SMCO2: variants seen among roughly 807,000 people sequenced by gnomAD.
SMCO2 encodes the protein single-pass membrane protein with coiled-coil domains 2.
Under a neutral mutation model 29.5 loss-of-function variants are expected in SMCO2, and 25 were observed. The observed-to-expected ratio is 0.85, with a 90% CI of 0.62 to 1.18. The LOEUF (loss-of-function observed/expected upper bound fraction) is 1.18, where lower values mean the gene tolerates loss of function less well. Ranked by LOEUF, SMCO2 falls within the 50% of genes most tolerant of loss-of-function variation. The pLI, the probability that SMCO2 is intolerant of heterozygous loss-of-function variation, is 0.00. For synonymous variants in SMCO2, 117 were observed against 123.3 expected, an observed-to-expected ratio of 0.95 and a Z score of 0.34; for missense variants, 348 against 344.5, an observed-to-expected ratio of 1.01 and a Z score of -0.08.
the SMCO2 span, among the ~76,000 whole-genome samples, chr12:27,448,726 A>G: frequency 1.3e-5 from 2 of 152,346 alleles, no homozygotes; most frequent in East Asian, 1.9e-4. Context: ...AATCAGCTTA[A>G]TATGTACTAG....
chr12:27,458,740 A>T, the SMCO2 span, among the ~76,000 whole-genome samples: 4 of 152,012 alleles, frequency 2.6e-5, no homozygotes, highest in Admixed American at 2.6e-4. Context: ...TACAAAAATT[A>T]GCCGGGCATG....
the SMCO2 span, among the ~76,000 whole-genome samples, chr12:27,454,053 T>A: frequency 6.6e-6 from 1 of 152,186 alleles, no homozygotes; most frequent in Non-Finnish European, 1.5e-5. Context: ...GGCGCAATCA[T>A]GGCCCATTAC....
At chr12:27,451,472 A>G in the SMCO2 span, among the ~76,000 whole-genome samples, 1 of 151,294 alleles carries the variant, frequency 6.6e-6, no homozygotes, top group East Asian at 1.9e-4. Context: ...CTCGTTTTAT[A>G]TGTGTTTCTG....
the SMCO2 span, among the ~76,000 whole-genome samples, chr12:27,426,661 T>A: frequency 3.3e-5 from 5 of 152,294 alleles, no homozygotes; most frequent in South Asian, 8.3e-4. Flanking sequence ...TAGAGAAGCT[T>A]CATCATTAAG....
At chr12:27,457,635 G>A in the SMCO2 span, among the ~76,000 whole-genome samples, 2 of 152,216 alleles carry the variant, frequency 1.3e-5, no homozygotes, top group South Asian at 2.1e-4. Context: ...AAGGTTTCAG[G>A]CAACGTGTGG....
chr12:27,484,497 A>G (rs1415240571), intron 4 of SMCO2, among the ~76,000 whole-genome samples: 3 of 152,202 alleles, frequency 2.0e-5, no homozygotes, highest in African/African-American at 7.2e-5. Flanking sequence ...TGCAGAGTAT[A>G]TAATTATATA....
At chr12:27,434,786 G>T in the SMCO2 span, among the ~76,000 whole-genome samples, 1 of 152,188 alleles carries the variant, frequency 6.6e-6, no homozygotes, top group Admixed American at 6.5e-5. Flanking sequence ...AGGGAAGGGG[G>T]TACTGTAAGT....
chr12:27,453,216 C>T, the SMCO2 span, among the ~76,000 whole-genome samples: 5 of 152,270 alleles, frequency 3.3e-5, no homozygotes, highest in East Asian at 3.9e-4. Flanking sequence ...AGACATGTTC[C>T]GTGTCAGCCC....
the SMCO2 span, among the ~76,000 whole-genome samples, chr12:27,453,663 A>G: frequency 6.6e-6 from 1 of 152,112 alleles, no homozygotes; most frequent in African/African-American, 2.4e-5. Flanking sequence ...ATCCCTCCAG[A>G]TGTTTTTGCT....
intron 6 of SMCO2, among the ~76,000 whole-genome samples, chr12:27,495,406 T>C (rs1942987359): frequency 6.6e-6 from 1 of 150,756 alleles, no homozygotes; most frequent in East Asian, 1.9e-4. Context: ...AGGAATTTAG[T>C]ACAAGGACAT....
intron 7 of SMCO2, among the ~76,000 whole-genome samples, chr12:27,499,193 C>T (rs1049682260): frequency 3.3e-5 from 5 of 150,614 alleles, no homozygotes; most frequent in African/African-American, 9.9e-5. Context: ...TCCAAATGTC[C>T]GTTAACTGAT....
chr12:27,472,803 C>T (rs1202900363), exon 3 of SMCO2: 2 of 1,550,570 alleles, frequency 1.3e-6, no homozygotes, highest in Non-Finnish European at 1.7e-6. Flanking sequence ...TCAAAGTGGA[C>T]CACATCTTAG....
At chr12:27,486,876 C>A (rs925600776) in intron 4 of SMCO2, among the ~76,000 whole-genome samples, 2 of 152,016 alleles carry the variant, frequency 1.3e-5, no homozygotes, top group African/African-American at 4.8e-5. Context: ...CTCCTTTTTT[C>A]TTTTGCAACC....
chr12:27,457,075 G>A, the SMCO2 span, among the ~76,000 whole-genome samples: 4 of 152,002 alleles, frequency 2.6e-5, no homozygotes, highest in Non-Finnish European at 4.4e-5. Flanking sequence ...TGTCTTTCAC[G>A]AAACTGGTCC....
rs939341933 is a variant in SMCO2, at chr12:27,475,570, A to G, written c.362+657A>G. 9.9e-6 allele frequency: 15 copies of G among 1,516,842 alleles called. No individual in the cohort carries two copies. Among genetic ancestry groups the G allele is most frequent in the Non-Finnish European group, 1.2e-5 (14 of 1,136,566 alleles). The allele number at this position is 1,516,842 out of a possible 1,614,324, so 94.0% of individuals were successfully genotyped here. On this transcript the variant is annotated intron_variant, in intron 4 of 7. Transcript: ENST00000298876. The stretch of plus-strand genomic sequence containing the variant: ...TTCTGCTTTGAAAATGATCACCATA[A>G]TATTTCCGCAGGTGTCTGAAGGGCA...
intron 1 of SMCO2, among the ~76,000 whole-genome samples, chr12:27,470,206 T>C (rs1949529282): frequency 6.6e-6 from 1 of 152,226 alleles, no homozygotes. Flanking sequence ...ATCTCTGGGG[T>C]TAACTCTGGT....
chr12:27,499,456 C>G (rs925943080), intron 7 of SMCO2, among the ~76,000 whole-genome samples: 1 of 150,364 alleles, frequency 6.7e-6, no homozygotes, highest in South Asian at 2.1e-4. Context: ...GGTGACTGCT[C>G]CAGGGAATGG....
At chr12:27,497,926 C>G in intron 7 of SMCO2, 1 of 336,936 alleles carries the variant, frequency 3.0e-6, no homozygotes, top group South Asian at 3.6e-5. Flanking sequence ...TAACTAGAGT[C>G]TCCCGTGCTG....
chr12:27,464,639 C>T (rs936502744), upstream of SMCO2, among the ~76,000 whole-genome samples: 1 of 149,176 alleles, frequency 6.7e-6, no homozygotes, highest in African/African-American at 2.5e-5. Flanking sequence ...ATGGCTTGAG[C>T]CCAGGAGGTC....
Sources: allele counts gnomAD v4.1 joint callset (sites outside exome capture counted in the v4.1 genomes callset), GRCh38; gene constraint gnomAD v4.1.1; transcripts MANE v1.5; gene names NCBI Gene and HGNC (gene_info 2026-07-23, HGNC 2026-07-21).